Variants in EPS15L1 observed in about 807,000 individuals in gnomAD.
EPS15L1 encodes epidermal growth factor receptor pathway substrate 15 like 1, also known as epidermal growth factor receptor substrate 15-like 1.
Under a neutral mutation model 117.1 loss-of-function variants are expected in EPS15L1, and 43 were observed. The ratio of observed to expected loss-of-function variants is 0.37; its 90% CI spans 0.29 to 0.47. The LOEUF (loss-of-function observed/expected upper bound fraction) is 0.47, where lower values mean the gene tolerates loss of function less well. Ranked by LOEUF, EPS15L1 falls within the 20% of genes least tolerant of loss-of-function variation. EPS15L1 has a pLI of 0.99. For missense variants in EPS15L1, 981 were observed against 1,164.0 expected, an observed-to-expected ratio of 0.84 and a Z score of 2.29; for synonymous variants, 459 against 470.5, an observed-to-expected ratio of 0.98 and a Z score of 0.32.
intron 10 of EPS15L1, among the ~76,000 whole-genome samples, chr19:16,418,533 C>T (rs1018806417): frequency 2.0e-5 from 3 of 152,162 alleles, no homozygotes; most frequent in East Asian, 1.9e-4. Flanking sequence ...TGAATGGCCC[C>T]GGCTACTGGC....
At chr19:16,429,573 C>T (rs142859114) in intron 7 of EPS15L1, among the ~76,000 whole-genome samples, 2 of 152,328 alleles carry the variant, frequency 1.3e-5, no homozygotes, top group East Asian at 3.9e-4. Flanking sequence ...CCTCACCAGC[C>T]CACACAGCCA....
chr19:16,454,133 T>C (rs931924565), intron 1 of EPS15L1, among the ~76,000 whole-genome samples: 2 of 152,038 alleles, frequency 1.3e-5, no homozygotes, highest in Admixed American at 6.6e-5. Flanking sequence ...TTCGCTGTTT[T>C]CCCCCCTTGA....
At chr19:16,401,744 G>A in intron 16 of EPS15L1, 3 of 985,384 alleles carry the variant, frequency 3.0e-6, no homozygotes, top group Non-Finnish European at 3.6e-6. Context: ...ACAACTCCAG[G>A]GTCATGAGGT....
At chr19:16,411,832 T>G (rs2059684693) in intron 13 of EPS15L1, among the ~76,000 whole-genome samples, 1 of 152,152 alleles carries the variant, frequency 6.6e-6, no homozygotes, top group African/African-American at 2.4e-5. Flanking sequence ...CCTGAGTAAC[T>G]GGGACTACAG....
intron 1 of EPS15L1, among the ~76,000 whole-genome samples, chr19:16,447,691 C>T (rs1204685546): frequency 1.3e-5 from 2 of 149,844 alleles, no homozygotes; most frequent in Non-Finnish European, 3.0e-5. Context: ...ACCTGGGAGG[C>T]GGAGGCTGCA....
At position 16,417,539 on chromosome 19, in the gene EPS15L1, G is replaced by A. The variant is rs373675528; in HGVS notation, c.1193+13C>T. 149 of 1,610,768 alleles carry A rather than the reference G, an allele frequency of 9.3e-5. No individual in the cohort carries two copies. The highest frequency in any genetic ancestry group is 4.9e-4 in the Middle Eastern group (3 of 6,072). On this transcript the variant is annotated intron_variant, in intron 12 of 23. Coordinates refer to ENST00000455140, the MANE Select transcript of EPS15L1 (RefSeq NM_001258374.3). The stretch of plus-strand genomic sequence containing the variant: ...ACATCTGGATGTGGAGGGAAGGGCC[G>A]TTTCCAACATACCTTTGTAACTGGG...
chr19:16,417,887 C>A, intron 11 of EPS15L1, 61 bp downstream of exon 11: 1 of 1,561,740 alleles, frequency 6.4e-7, no homozygotes, highest in Non-Finnish European at 8.7e-7. Context: ...ACCAGTGCCA[C>A]CTGGTGGCAG....
rs549339263 is a variant in EPS15L1 at position 16,365,795 on chromosome 19, A to G, written c.2381-3811T>C. On this transcript the variant is annotated intron_variant, in intron 22 of 23. Transcript: ENST00000455140. The surrounding 1 kb of genome is among the most constrained non-coding windows in gnomAD (Gnocchi z 4.9). Reference sequence around the variant, plus strand: ...GGCACGGCTGAGGGTCAGCTCTGTGAAAAGCGGGCCCAGCATACCACAAAT... The same window carrying G: ...GGCACGGCTGAGGGTCAGCTCTGTGGAAAGCGGGCCCAGCATACCACAAAT... Among the ~76,000 whole-genome samples, 45 of 152,304 alleles carry G rather than the reference A, an allele frequency of 3.0e-4. No homozygotes were observed. Among genetic ancestry groups the G allele is most frequent in the African/African-American group, 1.0e-3 (43 of 41,560 alleles).
rs531894131 is a variant in EPS15L1, at chr19:16,366,436, A to C, written c.2381-4452T>G. ...AATTGGTTTTTGGGAGGAGCGGTTA[A>C]GAATTCTGCCTGCTACCATTTCAAG... On this transcript the variant is annotated intron_variant, in intron 22 of 23. Transcript: ENST00000455140. Among the ~76,000 whole-genome samples the C allele has an allele frequency of 3.6e-4, 55 of 152,302 alleles. No individual in the cohort carries two copies. In the South Asian group the frequency reaches 3.9e-3, roughly 11 times the overall value.
intron 16 of EPS15L1, among the ~76,000 whole-genome samples, chr19:16,395,789 C>CA (rs1014193726): frequency 2.0e-5 from 3 of 151,976 alleles, no homozygotes; most frequent in South Asian, 2.1e-4. Context: ...ACTAAAAATA[C>CA]AAAAAATTAG....
chr19:16,409,059 AC>A (rs201823107), intron 13 of EPS15L1, among the ~76,000 whole-genome samples: 35 of 151,568 alleles, frequency 2.3e-4, no homozygotes, highest in African/African-American at 3.9e-4. Flanking sequence ...CTGTCTCTTA[AC>A]AAAAAAAAAT....
intron 22 of EPS15L1, among the ~76,000 whole-genome samples, chr19:16,374,879 G>C (rs2092274413): frequency 6.6e-6 from 1 of 152,242 alleles, no homozygotes; most frequent in Non-Finnish European, 1.5e-5. Context: ...ATATGTGTGT[G>C]CACGTTTGCA....
In EPS15L1 at chr19:16,471,893, C is replaced by G; in HGVS notation, c.33+20G>C. 4 of 1,302,104 alleles carry G rather than the reference C, an allele frequency of 3.1e-6. No individual in the cohort carries two copies. The highest frequency in any genetic ancestry group is 2.2e-5 in the South Asian group (1 of 46,482). The allele number at this position is 1,302,104 out of a possible 1,614,324, so 80.7% of individuals were successfully genotyped here. A position where few individuals can be genotyped will look rare whatever the true frequency, so the allele number is the denominator to read the frequency against. On this transcript the variant is annotated intron_variant, in intron 1 of 23. Transcript: ENST00000455140. The surrounding 1 kb of genome is among the most constrained non-coding windows in gnomAD (Gnocchi z 4.8). ...GCGCCCCGCACCCCGGCGCCGCCCCCAGGCCCGCCCGGCCCGTACCTGCTG... is the reference window on the plus strand; with the variant it reads ...GCGCCCCGCACCCCGGCGCCGCCCCGAGGCCCGCCCGGCCCGTACCTGCTG...
intron 19 of EPS15L1, among the ~76,000 whole-genome samples, chr19:16,388,890 G>C (rs2092448807): frequency 6.6e-6 from 1 of 152,082 alleles, no homozygotes; most frequent in Admixed American, 6.6e-5. Flanking sequence ...CTGGAAGGCA[G>C]TGGAAAAACA....
Position 16,412,237 on chromosome 19 carries a change from T to G in EPS15L1, c.1266+1536A>C, listed in dbSNP as rs549047402. Among the ~76,000 whole-genome samples, 4 of 152,132 alleles carry G rather than the reference T, an allele frequency of 2.6e-5. No homozygotes were observed. In the South Asian group the frequency reaches 8.3e-4, roughly 32 times the overall value. On this transcript the variant is annotated intron_variant, in intron 13 of 23. Coordinates refer to ENST00000455140, the MANE Select transcript of EPS15L1 (RefSeq NM_001258374.3). ...ATGGTTATAAGCAACTTTAAAAACT[T>G]TAGCCTGTAATTCCAGCACTTTGGG...
intron 1 of EPS15L1, among the ~76,000 whole-genome samples, chr19:16,444,946 T>A (rs2093069099): frequency 6.6e-6 from 1 of 152,178 alleles, no homozygotes; most frequent in African/African-American, 2.4e-5. Context: ...AGGCTGGTCC[T>A]GACCTCAGGT....
Position 16,355,624 on chromosome 19 carries a change from T to C in EPS15L1, c.*81A>G. On this transcript the variant is annotated 3_prime_UTR_variant, in exon 24 of 24. Transcript: ENST00000455140. Reference sequence around the variant, plus strand: ...TCCTTGGAGTACGGTGGCGACGGTGTGTGTGTGTATATATAGACATCTGCA... The same window carrying C: ...TCCTTGGAGTACGGTGGCGACGGTGCGTGTGTGTATATATAGACATCTGCA... The C allele has an allele frequency of 6.9e-7, 1 of 1,440,872 alleles. No individual in the cohort carries two copies. The highest frequency in any genetic ancestry group is 9.3e-7 in the Non-Finnish European group (1 of 1,078,318). The allele number at this position is 1,440,872 out of a possible 1,614,324, so 89.3% of individuals were successfully genotyped here.
intron 8 of EPS15L1, among the ~76,000 whole-genome samples, chr19:16,426,690 G>A (rs916622191): frequency 1.2e-4 from 18 of 152,090 alleles, no homozygotes; most frequent in African/African-American, 2.4e-4. Flanking sequence ...CAAGAGACAC[G>A]AAGAGCGATG....
intron 1 of EPS15L1, among the ~76,000 whole-genome samples, chr19:16,444,857 G>T (rs1361922587): frequency 2.0e-5 from 3 of 151,872 alleles, no homozygotes; most frequent in Non-Finnish European, 4.4e-5. Flanking sequence ...CTCCCGAGTA[G>T]CTGGGACTAC....
Sources: gnomAD v4.1 joint callset for allele counts (sites outside exome capture counted in the v4.1 genomes callset) on GRCh38, gnomAD v4.1.1 for gene constraint, Gnocchi (gnomAD v3.1) non-coding constraint, MANE v1.5 for transcripts, NCBI Gene and HGNC (gene_info 2026-07-23, HGNC 2026-07-21) for gene names.